FARS2: variants seen among roughly 807,000 people sequenced by gnomAD.
FARS2 encodes phenylalanyl-tRNA synthetase 2, mitochondrial.
In FARS2, 40 loss-of-function variants were observed where a neutral mutation model predicts 46.4. The ratio of observed to expected loss-of-function variants is 0.86; its 90% CI spans 0.67 to 1.12. The LOEUF is 1.12. FARS2 is among the 50% of genes most tolerant of loss of function. The probability of loss-of-function intolerance (pLI) is 0.00; values close to 1 mark genes in which losing one functional copy is unlikely to be tolerated. For synonymous variants in FARS2, 234 were observed against 214.9 expected (o/e 1.09, Z -0.78); for missense variants, 513 against 567.9 (o/e 0.90, Z 0.98).
chr6:5,416,593 GTTATT>G (rs1178079829), intron 3 of FARS2, among the ~76,000 whole-genome samples: 2 of 152,054 alleles, frequency 1.3e-5, no homozygotes, highest in African/African-American at 2.4e-5. Flanking sequence ...TTTTTTCAAA[GTTATT>G]TTAATTAGAT....
chr6:5,469,743 T>C (rs1339839748), intron 4 of FARS2, among the ~76,000 whole-genome samples: 9 of 152,232 alleles, frequency 5.9e-5, no homozygotes, highest in Non-Finnish European at 1.3e-4. Flanking sequence ...GTAGGAAATA[T>C]ATAAGAATGA....
rs115954844 is a variant in FARS2 at position 5,624,021 on chromosome 6, C to A, written c.1217+10701C>A. On this transcript the variant is annotated intron_variant, in intron 6 of 6. Coordinates refer to ENST00000274680, the MANE Select transcript of FARS2 (RefSeq NM_006567.5). The stretch of plus-strand genomic sequence containing the variant: ...GTGTCTCCTTGAAATTGGCAGCATG[C>A]AGTACCAAGGGGATGGCCAGACACT... Among the ~76,000 whole-genome samples, 1,404 of 152,294 alleles carry A rather than the reference C, an allele frequency of 9.2e-3. 23 individuals carry two copies. The highest frequency in any genetic ancestry group is 0.032 in the African/African-American group (1,318 of 41,556).
intron 6 of FARS2, among the ~76,000 whole-genome samples, chr6:5,753,023 G>A (rs1224085982): frequency 1.3e-5 from 2 of 152,148 alleles, no homozygotes; most frequent in Admixed American, 6.5e-5. Context: ...TACTGTAAGC[G>A]TAATGCTCTG....
At chr6:5,751,097 C>A (rs947703167) in intron 6 of FARS2, among the ~76,000 whole-genome samples, 4 of 151,976 alleles carry the variant, frequency 2.6e-5, no homozygotes, top group African/African-American at 9.7e-5. Flanking sequence ...CATTCCAGGC[C>A]CAAACTCAGT....
intron 1 of FARS2, among the ~76,000 whole-genome samples, chr6:5,295,027 A>G (rs1288116619): frequency 1.3e-5 from 2 of 152,132 alleles, no homozygotes; most frequent in African/African-American, 2.4e-5. Context: ...CACACCCACA[A>G]TAAGGGCTGT....
chr6:5,290,284 A>G (rs935424801), intron 1 of FARS2, among the ~76,000 whole-genome samples: 11 of 152,184 alleles, frequency 7.2e-5, no homozygotes, highest in Admixed American at 2.0e-4. Context: ...ATGCTTCCTG[A>G]TACAGAGGTT....
intron 1 of FARS2, among the ~76,000 whole-genome samples, chr6:5,335,607 TTGTAA>T (rs1390266461): frequency 6.6e-6 from 1 of 152,200 alleles, no homozygotes; most frequent in Non-Finnish European, 1.5e-5. Flanking sequence ...TAGCAATTAG[TTGTAA>T]TGTAAATCAG....
At chr6:5,689,187 G>A (rs1190432696) in intron 6 of FARS2, among the ~76,000 whole-genome samples, 1 of 152,014 alleles carries the variant, frequency 6.6e-6, no homozygotes, top group Non-Finnish European at 1.5e-5. Flanking sequence ...AGGGTTTTTT[G>A]TGTCTCTATT....
intron 4 of FARS2, among the ~76,000 whole-genome samples, chr6:5,482,377 A>G (rs1303552325): frequency 6.6e-6 from 1 of 152,186 alleles, no homozygotes; most frequent in Non-Finnish European, 1.5e-5. Context: ...GGATTAAATG[A>G]AGTAAGGTGA....
intron 1 of FARS2, among the ~76,000 whole-genome samples, chr6:5,261,921 G>T (rs2753248): frequency 0.36 from 54,386 of 152,130 alleles, 11,770 homozygotes; most frequent in African/African-American, 0.61. Context: ...TCAGAAGACT[G>T]CAGCTTTTTT....
chr6:5,291,536 C>CA (rs1224797274), intron 1 of FARS2: 1 of 152,164 alleles, frequency 6.6e-6, no homozygotes, highest in Admixed American at 6.5e-5. Context: ...ATCTTTCTTA[C>CA]AAAAAATAAT....
chr6:5,414,811 G>GTTTTTTT (rs35210878), intron 3 of FARS2, among the ~76,000 whole-genome samples: 9 of 86,668 alleles, frequency 1.0e-4, no homozygotes, highest in Non-Finnish European at 1.5e-4. Flanking sequence ...GTATATGACT[G>GTTTTTTT]TTTTTTTTTT....
intron 1 of FARS2, among the ~76,000 whole-genome samples, chr6:5,318,884 T>A (rs961963255): frequency 1.3e-5 from 2 of 152,026 alleles, no homozygotes; most frequent in Non-Finnish European, 2.9e-5. Context: ...AAGGGCGTGG[T>A]TGAAAAGGAA....
At chr6:5,322,712 C>G (rs545833191) in intron 1 of FARS2, among the ~76,000 whole-genome samples, 2 of 152,186 alleles carry the variant, frequency 1.3e-5, no homozygotes, top group African/African-American at 4.8e-5. Context: ...GAGACGTGAC[C>G]TTTGGGCGCT....
chr6:5,510,475 C>T (rs188403079), intron 4 of FARS2, among the ~76,000 whole-genome samples: 10 of 151,870 alleles, frequency 6.6e-5, no homozygotes, highest in Non-Finnish European at 1.2e-4. Flanking sequence ...GCAGCCTGGC[C>T]TGTCTTTCGC....
chr6:5,744,873 A>T (rs1319424144), intron 6 of FARS2, among the ~76,000 whole-genome samples: 2 of 152,228 alleles, frequency 1.3e-5, no homozygotes, highest in Non-Finnish European at 2.9e-5. Flanking sequence ...ACATAATATA[A>T]TGAACAATTA....
chr6:5,404,672 C>T lies in FARS2; in HGVS notation c.743C>T (p.Thr248Ile), dbSNP rs1314887097. The T allele has an allele frequency of 3.7e-6, 6 of 1,605,672 alleles. No homozygotes were observed. The highest frequency in any genetic ancestry group is 4.3e-6 in the Non-Finnish European group (5 of 1,175,564). The change falls in exon 3 of 7, where the codon ACC becomes ATC. Residue 248 changes from threonine to isoleucine, a missense_variant. Physicochemically the swap from Thr to Ile is moderately conservative, Grantham distance 89. Coordinates refer to ENST00000274680, the MANE Select transcript of FARS2 (RefSeq NM_006567.5). ...GAGTTTGATCTTAAGCAAACGCTTA[C>T]CAGGCTCATGGCACATCTTTTTGGA... ...LVEFDLKQTL[T>I]RLMAHLFGDE...
At chr6:5,267,117 A>T (rs2127811787) in intron 1 of FARS2, among the ~76,000 whole-genome samples, 1 of 151,716 alleles carries the variant, frequency 6.6e-6, no homozygotes, top group Non-Finnish European at 1.5e-5. Flanking sequence ...TATTTTGTGT[A>T]AAGTATTTCA....
Position 5,760,025 on chromosome 6 carries a change from T to C in FARS2, c.1218-11266T>C, listed in dbSNP as rs1175064384. 3.3e-5 allele frequency among the ~76,000 whole-genome samples: 5 copies of C among 152,206 alleles called. No individual in the cohort carries two copies. In the East Asian group the frequency reaches 9.6e-4, roughly 29 times the overall value. On this transcript the variant is annotated intron_variant, in intron 6 of 6. Coordinates refer to ENST00000274680, the MANE Select transcript of FARS2 (RefSeq NM_006567.5). ...AATCCCTGTTTTGCCCCTCTTCCCT[T>C]CAATCTCTCACTGTTTGTCGAGAGA...
Sources: gnomAD v4.1 joint callset for allele counts (sites outside exome capture counted in the v4.1 genomes callset) on GRCh38, gnomAD v4.1.1 for gene constraint, MANE v1.5 for transcripts, NCBI Gene and HGNC (gene_info 2026-07-23, HGNC 2026-07-21) for gene names.